The following MID1 variants were observed in gnomAD, a reference collection of about 807,000 sequenced individuals.
The protein encoded by MID1 is midline 1, also known as E3 ubiquitin-protein ligase Midline-1.
In MID1, 7 loss-of-function variants were observed where a neutral mutation model predicts 40.4. The observed-to-expected ratio is 0.17, with a 90% CI of 0.10 to 0.33. The LOEUF (loss-of-function observed/expected upper bound fraction) is 0.33, where lower values mean the gene tolerates loss of function less well. MID1 is among the 10% of genes least tolerant of loss of function. The pLI is 1.00. For missense variants in MID1, 367 were observed against 558.5 expected (o/e 0.66, Z 3.46); for synonymous variants, 229 against 221.2 (o/e 1.04, Z -0.31).
intron 2 of MID1, among the ~76,000 whole-genome samples, chrX:10,533,310 A>AGAAAGAAAGAAAGAAAG (rs1933053153): frequency 1.2e-5 from 1 of 84,421 alleles, no homozygotes; most frequent in Non-Finnish European, 2.2e-5. Context: ...TAATAATCCA[A>AGAAAGAAAGAAAGAAAG]GAAAGAAAGA....
intron 3 of MID1, among the ~76,000 whole-genome samples, chrX:10,508,046 G>A (rs1040831259): frequency 8.9e-6 from 1 of 112,367 alleles, no homozygotes; most frequent in Non-Finnish European, 1.9e-5. Context: ...TGCTATCAAT[G>A]TACAGGGATC....
At chrX:10,698,568 C>T (rs2043175204) in intron 1 of MID1, among the ~76,000 whole-genome samples, 1 of 110,120 alleles carries the variant, frequency 9.1e-6, no homozygotes, top group Non-Finnish European at 1.9e-5. Context: ...ATTTTATAGC[C>T]AGGGAATCAA....
intron 1 of MID1, among the ~76,000 whole-genome samples, chrX:10,611,967 C>T (rs1279612046): frequency 9.0e-6 from 1 of 111,659 alleles, no homozygotes. Flanking sequence ...ACCATGTAGG[C>T]TGTGTCTGCA....
At chrX:10,546,099 T>A (rs1421392130) in intron 2 of MID1, among the ~76,000 whole-genome samples, 1 of 112,133 alleles carries the variant, frequency 8.9e-6, no homozygotes, top group Admixed American at 9.4e-5. Context: ...CTGGGCCCCA[T>A]GAGGTTGCCT....
Position 10,449,104 on chromosome X carries a change from T to C in MID1, c.*264A>G. On this transcript the variant is annotated 3_prime_UTR_variant, in exon 10 of 10. Coordinates refer to ENST00000317552, the MANE Select transcript of MID1 (RefSeq NM_000381.4). ...GCAAAACCAAGTAATTCCTAAAAGT[T>C]GTAATCCTGATTATGTTTCTCTTAT... 3.2e-6 allele frequency: 1 copy of C among 313,759 alleles called. No individual in the cohort carries two copies. The allele number at this position is 313,759 out of a possible 1,213,427, so 25.9% of individuals were successfully genotyped here.
chrX:10,629,479 G>A (rs1340766346), intron 1 of MID1, among the ~76,000 whole-genome samples: 1 of 111,909 alleles, frequency 8.9e-6, no homozygotes, highest in African/African-American at 3.3e-5. Context: ...GGGATTACAG[G>A]CGTGAGCCAC....
At chrX:10,688,165 T>C (rs2043111832) in intron 1 of MID1, among the ~76,000 whole-genome samples, 1 of 112,131 alleles carries the variant, frequency 8.9e-6, no homozygotes, top group African/African-American at 3.2e-5. Context: ...GGCTAAACAT[T>C]TTTTTAAAAT....
chrX:10,677,915 G>A (rs925881786), intron 1 of MID1, among the ~76,000 whole-genome samples: 3 of 110,405 alleles, frequency 2.7e-5, no homozygotes, highest in African/African-American at 9.9e-5. Context: ...GAGGTGCATA[G>A]CAAATGCTAT....
At chrX:10,820,218 G>A (rs2044165257) in intron 1 of MID1, among the ~76,000 whole-genome samples, 1 of 112,381 alleles carries the variant, frequency 8.9e-6, no homozygotes, top group Non-Finnish European at 1.9e-5. Flanking sequence ...CAGCTTGCCA[G>A]GGAGAGATAA....
At chrX:10,807,132 C>G (rs1240956031) in intron 1 of MID1, among the ~76,000 whole-genome samples, 2 of 110,235 alleles carry the variant, frequency 1.8e-5, no homozygotes, top group Non-Finnish European at 3.8e-5. Flanking sequence ...GTAATCCCAG[C>G]TACTCGGGAG....
At chrX:10,520,248 A>G (rs977901302) in intron 3 of MID1, among the ~76,000 whole-genome samples, 2 of 111,725 alleles carry the variant, frequency 1.8e-5, no homozygotes, top group African/African-American at 6.5e-5. Context: ...CAACTGTCTC[A>G]TCTATATTTT....
At chrX:10,669,230 T>TAAAAAA (rs761817483) in intron 1 of MID1, among the ~76,000 whole-genome samples, 6 of 47,018 alleles carry the variant, frequency 1.3e-4, no homozygotes, top group East Asian at 8.8e-4. Flanking sequence ...CGTCTCAAAA[T>TAAAAAA]AAAAAAAAAA....
At chrX:10,630,137 C>T (rs1386509922) in intron 1 of MID1, among the ~76,000 whole-genome samples, 5 of 111,651 alleles carry the variant, frequency 4.5e-5, no homozygotes, top group Middle Eastern at 4.7e-3. Flanking sequence ...TAGGTGCTGA[C>T]GATACAGACA....
chrX:10,507,928 G>C, intron 3 of MID1, among the ~76,000 whole-genome samples: 1 of 112,076 alleles, frequency 8.9e-6, no homozygotes, highest in Non-Finnish European at 1.9e-5. Flanking sequence ...TTAAAGTATA[G>C]GTGACCAAAG....
chrX:10,734,871 A>G (rs930401176), intron 1 of MID1, among the ~76,000 whole-genome samples: 16 of 111,831 alleles, frequency 1.4e-4, no homozygotes, highest in African/African-American at 4.5e-4. Flanking sequence ...TGTGCATTTC[A>G]TCTTATGTCA....
Position 10,662,574 on chromosome X carries a change from G to C in MID1, c.-186-42155C>G, listed in dbSNP as rs776527117. On this transcript the variant is annotated intron_variant, in intron 1 of 10. Coordinates refer to the MID1 transcript ENST00000380785. ...TGCGTGTGTACTCATACAATGTTAG[G>C]ATCGGCAGGACCATAGGAATCTCCT... Among the ~76,000 whole-genome samples, 374 of 111,098 alleles carry C rather than the reference G, an allele frequency of 3.4e-3. 3 individuals are homozygous for C. The highest frequency in any genetic ancestry group is 0.011 in the African/African-American group (337 of 30,549).
chrX:10,650,592 C>T (rs970343478), intron 1 of MID1, among the ~76,000 whole-genome samples: 3 of 111,543 alleles, frequency 2.7e-5, no homozygotes, highest in Non-Finnish European at 5.6e-5. Context: ...TTGTTCCAGA[C>T]CATTGTATGT....
intron 1 of MID1, among the ~76,000 whole-genome samples, chrX:10,790,338 G>A (rs890748797): frequency 1.8e-5 from 2 of 108,902 alleles, no homozygotes; most frequent in African/African-American, 6.7e-5. Flanking sequence ...TTGTAGAGAT[G>A]GGGTCTCACT....
intron 1 of MID1, among the ~76,000 whole-genome samples, chrX:10,701,743 A>G (rs1446890404): frequency 1.8e-5 from 2 of 112,319 alleles, no homozygotes; most frequent in Non-Finnish European, 3.8e-5. Flanking sequence ...TCCCTGGATC[A>G]AAACCTGTCA....
Sources: gnomAD v4.1 joint callset for allele counts (sites outside exome capture counted in the v4.1 genomes callset) on GRCh38, gnomAD v4.1.1 for gene constraint, MANE v1.5 for transcripts, NCBI Gene and HGNC (gene_info 2026-07-23, HGNC 2026-07-21) for gene names.